The following SGCZ variants were observed in gnomAD, a reference collection of about 807,000 sequenced individuals.
SGCZ encodes sarcoglycan zeta, also known as zeta-sarcoglycan.
In SGCZ, 40 loss-of-function variants were observed where a neutral mutation model predicts 41.3. The ratio of observed to expected loss-of-function variants is 0.97; its 90% CI spans 0.75 to 1.26. The LOEUF is 1.26. Ranked by LOEUF, SGCZ falls within the 50% of genes most tolerant of loss-of-function variation. SGCZ has a pLI of 0.00. For synonymous variants in SGCZ, 206 were observed against 137.5 expected, an observed-to-expected ratio of 1.50 and a Z score of -3.49; for missense variants, 552 against 369.8, an observed-to-expected ratio of 1.49 and a Z score of -4.04.
chr8:14,884,113 G>A (rs866789434), intron 1 of SGCZ, among the ~76,000 whole-genome samples: 8 of 152,054 alleles, frequency 5.3e-5, no homozygotes, highest in South Asian at 4.1e-4. Flanking sequence ...TGATTTCAAA[G>A]ACTTTGGAAA....
At chr8:14,357,752 T>A (rs976365784) in intron 2 of SGCZ, among the ~76,000 whole-genome samples, 1 of 152,194 alleles carries the variant, frequency 6.6e-6, no homozygotes, top group African/African-American at 2.4e-5. Context: ...ATCTCTAATT[T>A]GCAGCTGAGA....
At chr8:14,396,654 A>G (rs1178505051) in intron 2 of SGCZ, among the ~76,000 whole-genome samples, 1 of 152,056 alleles carries the variant, frequency 6.6e-6, no homozygotes, top group Admixed American at 6.6e-5. Flanking sequence ...AGCTAATATA[A>G]CGACTGATTA....
intron 1 of SGCZ, among the ~76,000 whole-genome samples, chr8:15,231,962 T>C (rs1453079358): frequency 6.6e-6 from 1 of 152,152 alleles, no homozygotes; most frequent in Non-Finnish European, 1.5e-5. Context: ...TTACTTCTAG[T>C]CACAGAGAGT....
intron 1 of SGCZ, among the ~76,000 whole-genome samples, chr8:15,004,824 C>G (rs766300292): frequency 1.3e-5 from 2 of 152,128 alleles, no homozygotes; most frequent in African/African-American, 4.8e-5. Flanking sequence ...TGACTCAACA[C>G]TAGGTGACAA....
chr8:14,497,578 CTG>C (rs755067824), intron 2 of SGCZ, among the ~76,000 whole-genome samples: 18 of 150,614 alleles, frequency 1.2e-4, no homozygotes, highest in South Asian at 1.0e-3. Flanking sequence ...GTGTGTGTGT[CTG>C]TGTGTGTGTG....
At chr8:15,012,653 A>G (rs1802879330) in intron 1 of SGCZ, among the ~76,000 whole-genome samples, 1 of 139,492 alleles carries the variant, frequency 7.2e-6, no homozygotes, top group African/African-American at 2.6e-5. Context: ...ACTATATATA[A>G]TATATAATAT....
chr8:15,023,856 C>T (rs1803348463), intron 1 of SGCZ, among the ~76,000 whole-genome samples: 1 of 152,118 alleles, frequency 6.6e-6, no homozygotes, highest in African/African-American at 2.4e-5. Context: ...CAAAGTTAAC[C>T]TGACTGACTT....
At chr8:14,334,522 A>C (rs1362355039) in intron 2 of SGCZ, among the ~76,000 whole-genome samples, 1 of 152,132 alleles carries the variant, frequency 6.6e-6, no homozygotes, top group Non-Finnish European at 1.5e-5. Flanking sequence ...TGTAATCCCA[A>C]TATAGCTTCC....
chr8:15,086,711 T>A (rs1344961927), intron 1 of SGCZ, among the ~76,000 whole-genome samples: 1 of 152,192 alleles, frequency 6.6e-6, no homozygotes, highest in Admixed American at 6.5e-5. Context: ...TCCCAAATTT[T>A]TACTTATTTC....
chr8:14,144,045 C>T (rs968380769), intron 5 of SGCZ, among the ~76,000 whole-genome samples: 2 of 152,116 alleles, frequency 1.3e-5, no homozygotes, highest in Non-Finnish European at 2.9e-5. Flanking sequence ...ACTTAAAAGG[C>T]ACTCTAGGCC....
rs186897227 is a variant in SGCZ, at chr8:14,247,491, G to A, written c.337-9812C>T. On this transcript the variant is annotated intron_variant, in intron 3 of 7. Transcript: ENST00000382080. ...ACCTCCAACTCCACCTTTAGCCATG[G>A]GTGGGCTTAGGAAACAAATGCTTCT... 2.6e-5 allele frequency among the ~76,000 whole-genome samples: 4 copies of A among 152,226 alleles called. No individual in the cohort carries two copies. In the East Asian group the frequency reaches 7.7e-4, roughly 29 times the overall value.
intron 1 of SGCZ, among the ~76,000 whole-genome samples, chr8:15,221,055 C>T (rs1262227373): frequency 6.6e-6 from 1 of 151,986 alleles, no homozygotes; most frequent in Admixed American, 6.6e-5. Flanking sequence ...GAAGAAATAC[C>T]TAATGTAAAG....
chr8:14,423,442 G>C (rs368887037), intron 2 of SGCZ, among the ~76,000 whole-genome samples: 4 of 151,950 alleles, frequency 2.6e-5, no homozygotes, highest in African/African-American at 9.7e-5. Flanking sequence ...TTAAGATGGA[G>C]TTTCGCTCTT....
chr8:14,878,621 G>A (rs549556064), intron 1 of SGCZ, among the ~76,000 whole-genome samples: 132 of 152,222 alleles, frequency 8.7e-4, no homozygotes, highest in Middle Eastern at 6.8e-3. Flanking sequence ...TTTAACAAAC[G>A]TATGCATATG....
Position 14,101,126 on chromosome 8 carries a change from A to C in SGCZ, c.744+1250T>G, listed in dbSNP as rs558330947. 1.8e-4 allele frequency among the ~76,000 whole-genome samples: 27 copies of C among 152,194 alleles called. No homozygotes were observed. The South Asian group carries it at 5.6e-3, about 32-fold the overall frequency. On this transcript the variant is annotated intron_variant, in intron 7 of 7. Coordinates refer to ENST00000382080, the MANE Select transcript of SGCZ (RefSeq NM_139167.4). The stretch of plus-strand genomic sequence containing the variant: ...CATCTGCCAAGATGTCCAGGTTTGA[A>C]AAAAAAAGATGAGACTGCTAGACAT...
chr8:14,098,167 C>G (rs1585130932), intron 7 of SGCZ, among the ~76,000 whole-genome samples: 1 of 152,054 alleles, frequency 6.6e-6, no homozygotes, highest in African/African-American at 2.4e-5. Flanking sequence ...CTGCATTTAT[C>G]AACAGTATTC....
At chr8:14,488,278 G>A (rs915529723) in intron 2 of SGCZ, among the ~76,000 whole-genome samples, 1 of 152,218 alleles carries the variant, frequency 6.6e-6, no homozygotes, top group Admixed American at 6.5e-5. Context: ...TTGATGGATT[G>A]ATATTAATTC....
rs78816294 is a variant in SGCZ, at chr8:15,081,919, C to T, written c.39+155666G>A. Among the ~76,000 whole-genome samples, 10 of 152,196 alleles carry T rather than the reference C, an allele frequency of 6.6e-5. No homozygotes were observed. The East Asian group carries it at 1.7e-3, about 26-fold the overall frequency. On this transcript the variant is annotated intron_variant, in intron 1 of 7. Transcript: ENST00000382080. Reference sequence around the variant, plus strand: ...ACGAGGAAAAAAGTAAATACTAAAGCTGCCTAATGGGTTGAGATACTATAA... The same window carrying T: ...ACGAGGAAAAAAGTAAATACTAAAGTTGCCTAATGGGTTGAGATACTATAA...
At chr8:15,087,029 T>A (rs944303439) in intron 1 of SGCZ, among the ~76,000 whole-genome samples, 2 of 152,180 alleles carry the variant, frequency 1.3e-5, no homozygotes, top group African/African-American at 4.8e-5. Flanking sequence ...AATTCACACA[T>A]GAGATTTAGC....
Sources: allele counts gnomAD v4.1 joint callset (sites outside exome capture counted in the v4.1 genomes callset), GRCh38; gene constraint gnomAD v4.1.1; transcripts MANE v1.5; gene names NCBI Gene and HGNC (gene_info 2026-07-23, HGNC 2026-07-21).